ADAM28: variants seen among roughly 807,000 people sequenced by gnomAD.
ADAM28 encodes ADAM metallopeptidase domain 28.
In ADAM28, 105 loss-of-function variants were observed where a neutral mutation model predicts 101.2. The ratio of observed to expected loss-of-function variants is 1.04; its 90% CI spans 0.89 to 1.22. ADAM28 has a LOEUF of 1.22. Among genes scored for constraint, ADAM28 ranks in the 50% most tolerant of loss-of-function variants. The probability of loss-of-function intolerance (pLI) is 0.00; values close to 1 mark genes in which losing one functional copy is unlikely to be tolerated. For missense variants in ADAM28, 1,028 were observed against 945.4 expected (o/e 1.09, Z -1.15); for synonymous variants, 322 against 310.6 (o/e 1.04, Z -0.39).
intron 14 of ADAM28, among the ~76,000 whole-genome samples, chr8:24,337,762 G>A (rs1814271113): frequency 1.3e-5 from 2 of 152,152 alleles, no homozygotes; most frequent in Non-Finnish European, 2.9e-5. Context: ...TTGCAACTTT[G>A]TAAGTAATTT....
intron 6 of ADAM28, 106 bp downstream of exon 6, chr8:24,313,686 G>T (rs1401289750): frequency 4.4e-6 from 5 of 1,142,596 alleles, no homozygotes; most frequent in South Asian, 1.6e-5. Context: ...AAATTAGTAA[G>T]TTATAGAGAC....
intron 16 of ADAM28, among the ~76,000 whole-genome samples, chr8:24,342,498 G>T (rs2129328461): frequency 6.6e-6 from 1 of 152,252 alleles, no homozygotes. Context: ...TAAATCTGCT[G>T]ATTTGACATT....
At chr8:24,318,251 C>T (rs1184891051) in intron 6 of ADAM28, among the ~76,000 whole-genome samples, 1 of 151,928 alleles carries the variant, frequency 6.6e-6, no homozygotes, top group Non-Finnish European at 1.5e-5. Context: ...TGTTTCCATT[C>T]CTTGGTAACT....
At chr8:24,316,685 T>G (rs1223161817) in intron 6 of ADAM28, among the ~76,000 whole-genome samples, 1 of 152,058 alleles carries the variant, frequency 6.6e-6, no homozygotes, top group African/African-American at 2.4e-5. Context: ...CAAGGATGCC[T>G]ACTCTTACCA....
chr8:24,350,525 G>A (rs185159556), intron 19 of ADAM28, among the ~76,000 whole-genome samples: 3 of 152,136 alleles, frequency 2.0e-5, no homozygotes, highest in Admixed American at 2.0e-4. Flanking sequence ...TGGCCAACCT[G>A]GTCTCAAACT....
chr8:24,304,484 G>C (rs1019535966), intron 2 of ADAM28, among the ~76,000 whole-genome samples: 1 of 152,014 alleles, frequency 6.6e-6, no homozygotes, highest in Non-Finnish European at 1.5e-5. Context: ...TTGTCTTAAA[G>C]TGGAGATGAT....
chr8:24,318,362 T>A (rs564287405), intron 6 of ADAM28, among the ~76,000 whole-genome samples: 1 of 152,060 alleles, frequency 6.6e-6, no homozygotes, highest in Non-Finnish European at 1.5e-5. Context: ...TTACTCTGAT[T>A]GACTGGTAAA....
intron 1 of ADAM28, among the ~76,000 whole-genome samples, chr8:24,298,367 G>T (rs947227335): frequency 2.0e-5 from 3 of 152,062 alleles, no homozygotes; most frequent in African/African-American, 7.2e-5. Context: ...AAAGTTAAAT[G>T]TAAGTGACTC....
intron 1 of ADAM28, among the ~76,000 whole-genome samples, chr8:24,298,448 C>T (rs1355852965): frequency 6.6e-6 from 1 of 152,076 alleles, no homozygotes; most frequent in Non-Finnish European, 1.5e-5. Flanking sequence ...AAAGTTTATG[C>T]TTTAGTTTCT....
At chr8:24,318,815 T>A (rs1254493851) in intron 6 of ADAM28, among the ~76,000 whole-genome samples, 1 of 152,002 alleles carries the variant, frequency 6.6e-6, no homozygotes, top group African/African-American at 2.4e-5. Flanking sequence ...TACCCCAAGG[T>A]GCCATCTCAT....
chr8:24,300,090 A>AT lies in ADAM28; in HGVS notation c.150+16dup. On this transcript the variant is annotated intron_variant, in intron 2 of 22. Transcript: ENST00000265769. ...GCCAGAGCAACAGGTACAGCTTTTG[A>AT]TTTATCAAAGGATCTTGATTTGAGA... The AT allele has an allele frequency of 6.3e-7, 1 of 1,599,334 alleles. No individual in the cohort carries two copies. Among genetic ancestry groups the AT allele is most frequent in the South Asian group, 1.1e-5 (1 of 89,716 alleles).
intron 2 of ADAM28, 22 bp from the exon 3 acceptor site, chr8:24,309,872 A>G (rs763692111): frequency 1.6e-5 from 24 of 1,455,772 alleles, no homozygotes; most frequent in Non-Finnish European, 2.1e-5. Context: ...AATTACAAGT[A>G]AATGTTTGTG....
At chr8:24,313,610 T>G (rs1810765181) in intron 6 of ADAM28, 30 bp downstream of exon 6, 1 of 1,598,812 alleles carries the variant, frequency 6.3e-7, no homozygotes, top group African/African-American at 1.3e-5. Flanking sequence ...TTTGAAATGC[T>G]CTCATGTATT....
At chr8:24,329,443 T>A (rs1170249097) in intron 10 of ADAM28, among the ~76,000 whole-genome samples, 1 of 152,104 alleles carries the variant, frequency 6.6e-6, no homozygotes, top group South Asian at 2.1e-4. Context: ...AAGCTTGGAG[T>A]TGAGTCCAAG....
At position 24,313,527 on chromosome 8, in the gene ADAM28, T is replaced by C. The variant is rs748803761; in HGVS notation, c.523T>C (p.Leu175=). 4 of 1,613,888 alleles carry C rather than the reference T, an allele frequency of 2.5e-6. No homozygotes were observed. The highest frequency in any genetic ancestry group is 1.1e-5 in the South Asian group (1 of 91,072). ...CAGCACCTGTGGGATGGATGGTGTG[T>C]TGTGGGCCCACGATTTGCAGCAGAA... The part of the protein sequence containing the change: ...YDSTCGMDGV[L]WAHDLQQNIA... The change falls in exon 6 of 23, where the codon TTG becomes CTG. Residue 175 remains leucine (L), a synonymous_variant. Transcript: ENST00000265769.
intron 1 of ADAM28, among the ~76,000 whole-genome samples, chr8:24,299,537 A>G (rs1047971346): frequency 5.3e-5 from 8 of 151,990 alleles, no homozygotes; most frequent in African/African-American, 1.9e-4. Flanking sequence ...CACATTAGTT[A>G]TTTTATTTTT....
rs775671346 is a variant in ADAM28, at chr8:24,354,449, A to AAAC, written c.*46_*48dup. On this transcript the variant is annotated 3_prime_UTR_variant, in exon 23 of 23. Transcript: ENST00000265769. ...CTAATGGCTAAATTATCAACTTGGA[A>AAAC]AACTGGAAAATCTGGATGGCAGAGA... The AAAC allele has an allele frequency of 1.9e-6, 3 of 1,586,830 alleles. No individual in the cohort carries two copies. In the Admixed American group the frequency reaches 5.3e-5, roughly 28 times the overall value.
At chr8:24,342,400 C>G (rs1814887487) in intron 16 of ADAM28, among the ~76,000 whole-genome samples, 1 of 152,064 alleles carries the variant, frequency 6.6e-6, no homozygotes. Flanking sequence ...ATGATGAGTC[C>G]AAAATTATCT....
chr8:24,329,851 GT>G, intron 10 of ADAM28, 133 bp from the exon 11 acceptor site: 2 of 788,804 alleles, frequency 2.5e-6, no homozygotes, highest in Non-Finnish European at 2.0e-6. Context: ...CTTGCTCTGT[GT>G]GTGTGTGTGT....
Sources: allele counts gnomAD v4.1 joint callset (sites outside exome capture counted in the v4.1 genomes callset), GRCh38; gene constraint gnomAD v4.1.1; transcripts MANE v1.5; gene names NCBI Gene and HGNC (gene_info 2026-07-23, HGNC 2026-07-21).